The following PLN variants were observed in gnomAD, a reference collection of about 807,000 sequenced individuals.
PLN encodes the protein cardiac phospholamban.
Under a neutral mutation model 3.9 loss-of-function variants are expected in PLN, and 1 was observed. The observed-to-expected ratio is 0.26, with a 90% confidence interval of 0.09 to 1.23. The LOEUF is 1.23. Ranked by LOEUF, PLN falls within the 50% of genes most tolerant of loss-of-function variation. The probability of loss-of-function intolerance (pLI) is 0.48; values close to 1 mark genes in which losing one functional copy is unlikely to be tolerated. For missense variants in PLN, 59 were observed against 62.7 expected, an observed-to-expected ratio of 0.94 and a Z score of 0.20; for synonymous variants, 21 against 20.5, an observed-to-expected ratio of 1.02 and a Z score of -0.07.
intron 1 of PLN, among the ~76,000 whole-genome samples, chr6:118,556,114 T>C (rs779710834): frequency 3.3e-4 from 50 of 152,226 alleles, no homozygotes; most frequent in Non-Finnish European, 1.5e-4. Flanking sequence ...TGAATATTCA[T>C]GGGTGTATGT....
chr6:118,561,219 A>G lies in PLN; in HGVS notation c.*2139A>G, dbSNP rs892048422. On this transcript the variant is annotated 3_prime_UTR_variant, in exon 2 of 2. Coordinates refer to ENST00000357525, the MANE Select transcript of PLN (RefSeq NM_002667.5). Reference sequence around the variant, plus strand: ...AAAACAAGTAGAAAGCTTATAAACAACAGGTGATACACTCACCTCACTGGT... The same window carrying G: ...AAAACAAGTAGAAAGCTTATAAACAGCAGGTGATACACTCACCTCACTGGT... Among the ~76,000 whole-genome samples, 3 of 152,196 alleles carry G rather than the reference A, an allele frequency of 2.0e-5. No individual in the cohort carries two copies. Among genetic ancestry groups the G allele is most frequent in the African/African-American group, 7.2e-5 (3 of 41,450 alleles).
In PLN at chr6:118,559,417, A is replaced by C; in HGVS notation, c.*337A>C. 1 of 340,242 alleles carries C rather than the reference A, an allele frequency of 2.9e-6. No individual in the cohort carries two copies. 21.1% of individuals were successfully genotyped at this position (340,242 alleles called of 1,614,324 possible). On this transcript the variant is annotated 3_prime_UTR_variant, in exon 2 of 2. Coordinates refer to ENST00000357525, the MANE Select transcript of PLN (RefSeq NM_002667.5). ...TTAAAACTGCACTGCCAACAAGTTC[A>C]CTTCATATATAAAGCATTATTTTTA... is the stretch of plus-strand genomic sequence containing the variant.
rs550818264 is a variant in PLN at position 118,560,191 on chromosome 6, T to C, written c.*1111T>C. 1 of 167,110 alleles carries C rather than the reference T, an allele frequency of 6.0e-6. No individual in the cohort carries two copies. The highest frequency in any genetic ancestry group is 2.4e-5 in the African/African-American group (1 of 41,568). 10.4% of individuals were successfully genotyped at this position (167,110 alleles called of 1,614,324 possible). ...TACATCTACAGCTGACCCTTGAACATGGGGGTTAGGGGAGCTGACAATTCG... is the reference window on the plus strand; with the variant it reads ...TACATCTACAGCTGACCCTTGAACACGGGGGTTAGGGGAGCTGACAATTCG... On this transcript the variant is annotated 3_prime_UTR_variant, in exon 2 of 2. Transcript: ENST00000357525.
In PLN at chr6:118,559,802, T is replaced by C. The variant is rs981852875; in HGVS notation, c.*722T>C. On this transcript the variant is annotated 3_prime_UTR_variant, in exon 2 of 2. Transcript: ENST00000357525. ...ATGTAGGTAAATCATAAATCTGTTC[T>C]AAGACATATGATCAACAGATGAGAA... The C allele has an allele frequency of 6.0e-6, 1 of 167,720 alleles. No individual in the cohort carries two copies. Among genetic ancestry groups the C allele is most frequent in the African/African-American group, 2.4e-5 (1 of 41,472 alleles). 10.4% of individuals were successfully genotyped at this position (167,720 alleles called of 1,614,324 possible). A position where few individuals can be genotyped will look rare whatever the true frequency, so the allele number is the denominator to read the frequency against.
At chr6:118,558,658 C>CAGAGAG (rs1210740872) in intron 1 of PLN, among the ~76,000 whole-genome samples, 167 bp from the exon 2 acceptor site, 7 of 124,984 alleles carry the variant, frequency 5.6e-5, no homozygotes, top group African/African-American at 1.3e-4. Flanking sequence ...CACACACACA[C>CAGAGAG]ACAGAGAGAG....
Position 118,559,085 on chromosome 6 carries a change from C to A in PLN, c.*5C>A. 6.2e-7 allele frequency: 1 copy of A among 1,605,866 alleles called. No homozygotes were observed. The highest frequency in any genetic ancestry group is 8.5e-7 in the Non-Finnish European group (1 of 1,172,484). On this transcript the variant is annotated 3_prime_UTR_variant, in exon 2 of 2. Transcript: ENST00000357525. ...ATCATCGTGATGCTTCTCTGAAGTT[C>A]TGCTACAACCTCTAGATCTGCAGCT...
intron 1 of PLN, among the ~76,000 whole-genome samples, chr6:118,555,190 G>C (rs1258378999): frequency 1.3e-5 from 2 of 152,156 alleles, no homozygotes; most frequent in African/African-American, 4.8e-5. Context: ...CCAGCACTTT[G>C]GGAGGCCGAG....
intron 1 of PLN, among the ~76,000 whole-genome samples, chr6:118,553,934 C>T (rs1198085789): frequency 6.6e-6 from 1 of 152,184 alleles, no homozygotes; most frequent in Admixed American, 6.5e-5. Context: ...AATATTAGAG[C>T]TTACATGTCC....
intron 1 of PLN, among the ~76,000 whole-genome samples, chr6:118,556,683 A>G (rs1778897584): frequency 1.3e-5 from 2 of 152,202 alleles, no homozygotes; most frequent in African/African-American, 2.4e-5. Context: ...CACCTGGGGT[A>G]AGGTAGTAAT....
At chr6:118,555,628 C>G (rs1018647613) in intron 1 of PLN, among the ~76,000 whole-genome samples, 4 of 152,080 alleles carry the variant, frequency 2.6e-5, no homozygotes, top group Non-Finnish European at 5.9e-5. Flanking sequence ...AAATATATGT[C>G]AAGTTTAAGC....
rs1196777057 is a variant in PLN, at chr6:118,559,809, T to A, written c.*729T>A. 6.0e-6 allele frequency: 1 copy of A among 167,464 alleles called. No homozygotes were observed. The highest frequency in any genetic ancestry group is 2.4e-5 in the African/African-American group (1 of 41,468). 10.4% of individuals were successfully genotyped at this position (167,464 alleles called of 1,614,324 possible). A position where few individuals can be genotyped will look rare whatever the true frequency, so the allele number is the denominator to read the frequency against. On this transcript the variant is annotated 3_prime_UTR_variant, in exon 2 of 2. Coordinates refer to ENST00000357525, the MANE Select transcript of PLN (RefSeq NM_002667.5). ...TAAATCATAAATCTGTTCTAAGACA[T>A]ATGATCAACAGATGAGAACTGGTGG... is the stretch of plus-strand genomic sequence containing the variant.
In PLN at chr6:118,548,381, A is replaced by C; in HGVS notation, c.-109A>C. Reference sequence around the variant, plus strand: ...CACAATACTCTATACTGTGATGATCACAGCTGCCAAGGTAAGAAACAGATT... The same window carrying C: ...CACAATACTCTATACTGTGATGATCCCAGCTGCCAAGGTAAGAAACAGATT... On this transcript the variant is annotated 5_prime_UTR_variant, in exon 1 of 2. Coordinates refer to ENST00000357525, the MANE Select transcript of PLN (RefSeq NM_002667.5). 1 of 152,114 alleles carries C rather than the reference A, an allele frequency of 6.6e-6. No homozygotes were observed. The highest frequency in any genetic ancestry group is 1.5e-5 in the Non-Finnish European group (1 of 67,966). 9.4% of individuals were successfully genotyped at this position (152,114 alleles called of 1,614,324 possible).
At chr6:118,550,759 A>C (rs1287232334) in intron 1 of PLN, among the ~76,000 whole-genome samples, 1 of 151,914 alleles carries the variant, frequency 6.6e-6, no homozygotes, top group Non-Finnish European at 1.5e-5. Flanking sequence ...AAATACTGTA[A>C]ATGATATTCT....
Position 118,559,515 on chromosome 6 carries a change from A to T in PLN, c.*435A>T. ...AATACTAAGTATTTTTCAGGTCTTC[A>T]CCAAGTATCAAAGTAATAACACAAA... On this transcript the variant is annotated 3_prime_UTR_variant, in exon 2 of 2. Transcript: ENST00000357525. 1 of 207,002 alleles carries T rather than the reference A, an allele frequency of 4.8e-6. No individual in the cohort carries two copies. Among genetic ancestry groups the T allele is most frequent in the South Asian group, 9.3e-5 (1 of 10,704 alleles). The allele number at this position is 207,002 out of a possible 1,614,324, so 12.8% of individuals were successfully genotyped here. A position where few individuals can be genotyped will look rare whatever the true frequency, so the allele number is the denominator to read the frequency against.
Position 118,559,293 on chromosome 6 carries a change from T to C in PLN, c.*213T>C, listed in dbSNP as rs747130253. ...ATGAAAAGGGCTTTATTTTCAAAAA[T>C]TAACTTCAAAATAAGTGTATAAAAT... On this transcript the variant is annotated 3_prime_UTR_variant, in exon 2 of 2. Coordinates refer to ENST00000357525, the MANE Select transcript of PLN (RefSeq NM_002667.5). 6.7e-5 allele frequency: 38 copies of C among 563,220 alleles called. No homozygotes were observed. Among genetic ancestry groups the C allele is most frequent in the Non-Finnish European group, 1.2e-4 (37 of 305,430 alleles). The allele number at this position is 563,220 out of a possible 1,614,324, so 34.9% of individuals were successfully genotyped here. A position where few individuals can be genotyped will look rare whatever the true frequency, so the allele number is the denominator to read the frequency against.
At chr6:118,552,789 A>G (rs1778627685) in intron 1 of PLN, among the ~76,000 whole-genome samples, 1 of 152,024 alleles carries the variant, frequency 6.6e-6, no homozygotes, top group Admixed American at 6.6e-5. Context: ...AAGTAGAGTA[A>G]TCATGGATCC....
chr6:118,555,746 A>T (rs1478560894), intron 1 of PLN, among the ~76,000 whole-genome samples: 1 of 152,030 alleles, frequency 6.6e-6, no homozygotes, highest in Admixed American at 6.6e-5. Flanking sequence ...GTATTACTTC[A>T]TCATCCCGTT....
intron 1 of PLN, among the ~76,000 whole-genome samples, chr6:118,552,681 G>A (rs957430862): frequency 3.4e-5 from 5 of 149,138 alleles, no homozygotes; most frequent in African/African-American, 4.9e-5. Context: ...AATTTCCAGC[G>A]TTACTTTTCT....
At position 118,561,142 on chromosome 6, in the gene PLN, G is replaced by C. The variant is rs1412701446; in HGVS notation, c.*2062G>C. Among the ~76,000 whole-genome samples, 2 of 152,170 alleles carry C rather than the reference G, an allele frequency of 1.3e-5. No individual in the cohort carries two copies. The highest frequency in any genetic ancestry group is 2.9e-5 in the Non-Finnish European group (2 of 68,018). ...TTGGTTCAGGGATATCTGAAGAACA[G>C]AAGGGCAGAGATTTCTTAAGTGACG... On this transcript the variant is annotated 3_prime_UTR_variant, in exon 2 of 2. Coordinates refer to ENST00000357525, the MANE Select transcript of PLN (RefSeq NM_002667.5).
Sources: gnomAD v4.1 joint callset for allele counts (sites outside exome capture counted in the v4.1 genomes callset) on GRCh38, gnomAD v4.1.1 for gene constraint, MANE v1.5 for transcripts, NCBI Gene and HGNC (gene_info 2026-07-23, HGNC 2026-07-21) for gene names.